Variants in L3MBTL3 observed in about 807,000 individuals in gnomAD.
L3MBTL3 encodes the protein lethal(3)malignant brain tumor-like protein 3.
L3MBTL3 carries 27 observed loss-of-function variants against 102.3 expected under a neutral mutation model. The ratio of observed to expected loss-of-function variants is 0.26; its 90% CI spans 0.19 to 0.36. L3MBTL3 has a LOEUF of 0.36. Ranked by LOEUF, L3MBTL3 falls within the 10% of genes least tolerant of loss-of-function variation. The probability of loss-of-function intolerance (pLI) is 1.00; values close to 1 mark genes in which losing one functional copy is unlikely to be tolerated. For missense variants in L3MBTL3, 798 were observed against 955.3 expected (o/e 0.84, Z 2.17); for synonymous variants, 340 against 320.9 (o/e 1.06, Z -0.64).
chr6:130,087,332 CTTA>C (rs760010941), intron 16 of L3MBTL3, among the ~76,000 whole-genome samples: 9 of 151,964 alleles, frequency 5.9e-5, no homozygotes, highest in Non-Finnish European at 1.2e-4. Flanking sequence ...AGTGCATTTT[CTTA>C]TTATATTTGG....
intron 1 of L3MBTL3, among the ~76,000 whole-genome samples, chr6:130,021,127 T>G (rs1778985716): frequency 6.6e-6 from 1 of 152,034 alleles, no homozygotes; most frequent in South Asian, 2.1e-4. Context: ...TGCGCAAGTT[T>G]TTAGAAAAAC....
intron 18 of L3MBTL3, among the ~76,000 whole-genome samples, chr6:130,101,774 T>G (rs1784704989): frequency 6.6e-6 from 1 of 152,154 alleles, no homozygotes; most frequent in South Asian, 2.1e-4. Context: ...GCCCTTACAG[T>G]GAGTGTTTTC....
intron 2 of L3MBTL3, among the ~76,000 whole-genome samples, chr6:130,027,067 T>C (rs1224135262): frequency 6.6e-6 from 1 of 152,176 alleles, no homozygotes; most frequent in Non-Finnish European, 1.5e-5. Flanking sequence ...CAAAAGAGTA[T>C]GTCCCATGTT....
chr6:130,120,541 T>C (rs1330203052), intron 19 of L3MBTL3, among the ~76,000 whole-genome samples: 2 of 152,248 alleles, frequency 1.3e-5, no homozygotes, highest in Admixed American at 6.5e-5. Flanking sequence ...TTTCTTTAAA[T>C]AGAAGTCTTA....
At chr6:130,020,010 G>A (rs1392802493) in intron 1 of L3MBTL3, among the ~76,000 whole-genome samples, 2 of 122,276 alleles carry the variant, frequency 1.6e-5, no homozygotes, top group Admixed American at 1.6e-4. Context: ...CGGCGGCCGC[G>A]CCGGGGCGGC....
intron 11 of L3MBTL3, 127 bp from the exon 12 acceptor site, chr6:130,068,203 T>C: frequency 3.5e-6 from 2 of 577,042 alleles, no homozygotes; most frequent in Admixed American, 6.0e-5. Flanking sequence ...GAATTATGAG[T>C]TAAATTTTGT....
At chr6:130,128,372 T>C (rs1786760613) in intron 20 of L3MBTL3, among the ~76,000 whole-genome samples, 1 of 152,142 alleles carries the variant, frequency 6.6e-6, no homozygotes. Flanking sequence ...GCAGAGCACG[T>C]ATTCCCAACA....
intron 19 of L3MBTL3, among the ~76,000 whole-genome samples, chr6:130,116,622 G>T (rs989592471): frequency 6.6e-6 from 1 of 152,046 alleles, no homozygotes; most frequent in Admixed American, 6.6e-5. Flanking sequence ...GCATGGTAGC[G>T]CATGCCTGTA....
At chr6:130,116,214 T>G (rs7738741) in intron 19 of L3MBTL3, among the ~76,000 whole-genome samples, 6,201 of 152,310 alleles carry the variant, frequency 0.041, 404 homozygotes, top group African/African-American at 0.14. Context: ...TGCATCATGC[T>G]CCTACTTAAG....
In L3MBTL3 at chr6:130,049,656, A is replaced by T. The variant is rs527445716; in HGVS notation, c.215-100A>T. ...TAAGTAAATCCATGTTGTAGCCTAC[A>T]CAGGTGATTTAGCCAAAAGCCTGCC... is the stretch of plus-strand genomic sequence containing the variant. On this transcript the variant is annotated intron_variant, in intron 4 of 22. Coordinates refer to ENST00000361794, the MANE Select transcript of L3MBTL3 (RefSeq NM_032438.4). The T allele has an allele frequency of 5.1e-4, 681 of 1,337,002 alleles. 3 individuals are homozygous for T. In the Middle Eastern group the frequency reaches 6.0e-3, roughly 12 times the overall value. The allele number at this position is 1,337,002 out of a possible 1,614,324, so 82.8% of individuals were successfully genotyped here. A position where few individuals can be genotyped will look rare whatever the true frequency, so the allele number is the denominator to read the frequency against.
At chr6:130,055,700 TTCTCTC>T (rs371510182) in intron 8 of L3MBTL3, among the ~76,000 whole-genome samples, 2 of 132,188 alleles carry the variant, frequency 1.5e-5, no homozygotes, top group Non-Finnish European at 3.3e-5. Context: ...CCCTCTCTCT[TTCTCTC>T]TCTCTCTCTC....
At chr6:130,077,234 A>G (rs1473439128) in intron 13 of L3MBTL3, among the ~76,000 whole-genome samples, 2 of 152,142 alleles carry the variant, frequency 1.3e-5, no homozygotes, top group Non-Finnish European at 2.9e-5. Flanking sequence ...TTTTTAGGAA[A>G]ACACTAGGAT....
chr6:130,020,395 G>C (rs1298107703), intron 1 of L3MBTL3: 1 of 152,066 alleles, frequency 6.6e-6, no homozygotes, highest in African/African-American at 2.4e-5. Context: ...GCACGGGCGG[G>C]GGGAGGGCGC....
chr6:130,135,218 G>T (rs1277046795), intron 22 of L3MBTL3, among the ~76,000 whole-genome samples: 1 of 151,616 alleles, frequency 6.6e-6, no homozygotes, highest in African/African-American at 2.4e-5. Context: ...CCGCCACCAC[G>T]CTCGGCTAAT....
At chr6:130,088,393 A>G (rs1265669626) in intron 16 of L3MBTL3, among the ~76,000 whole-genome samples, 5 of 152,216 alleles carry the variant, frequency 3.3e-5, no homozygotes. Context: ...ATTAGACAGC[A>G]GGAAAACTCA....
At chr6:130,106,335 A>C (rs184243036) in intron 19 of L3MBTL3, among the ~76,000 whole-genome samples, 27 of 152,312 alleles carry the variant, frequency 1.8e-4, no homozygotes, top group African/African-American at 5.3e-4. Context: ...TTCTGCAAAA[A>C]TGAGTGGGTT....
At chr6:130,085,828 C>G (rs1783649723) in intron 15 of L3MBTL3, among the ~76,000 whole-genome samples, 1 of 152,068 alleles carries the variant, frequency 6.6e-6, no homozygotes, top group African/African-American at 2.4e-5. Context: ...ACAATCTCAC[C>G]TCACTACTCC....
At chr6:130,116,113 A>G (rs903313907) in intron 19 of L3MBTL3, among the ~76,000 whole-genome samples, 2 of 152,044 alleles carry the variant, frequency 1.3e-5, no homozygotes, top group African/African-American at 4.8e-5. Context: ...AGCTATTTTA[A>G]TAGTTGAAGA....
intron 22 of L3MBTL3, among the ~76,000 whole-genome samples, chr6:130,135,070 CTTTT>C: frequency 7.8e-6 from 1 of 127,412 alleles, no homozygotes; most frequent in South Asian, 2.6e-4. Flanking sequence ...CTGTTTTTTC[CTTTT>C]TTTTTTTTTT....
Sources: allele counts gnomAD v4.1 joint callset (sites outside exome capture counted in the v4.1 genomes callset), GRCh38; gene constraint gnomAD v4.1.1; transcripts MANE v1.5; gene names NCBI Gene and HGNC (gene_info 2026-07-23, HGNC 2026-07-21).